CDK7: variants seen among roughly 807,000 people sequenced by gnomAD.
CDK7 encodes cyclin dependent kinase 7.
CDK7 carries 25 observed loss-of-function variants against 49.1 expected under a neutral mutation model. The observed-to-expected ratio is 0.51, with a 90% CI of 0.37 to 0.71. The LOEUF (loss-of-function observed/expected upper bound fraction) is 0.71. Among genes scored for constraint, CDK7 ranks in the 30% least tolerant of loss-of-function variants. The pLI is 0.00. For missense variants in CDK7, 316 were observed against 411.7 expected, an observed-to-expected ratio of 0.77 and a Z score of 2.01; for synonymous variants, 107 against 140.0, an observed-to-expected ratio of 0.76 and a Z score of 1.67.
At position 69,276,600 on chromosome 5, in the gene CDK7, C is replaced by A; in HGVS notation, c.922C>A (p.Pro308Thr). 2.5e-6 allele frequency: 4 copies of A among 1,613,864 alleles called. No individual in the cohort carries two copies. Among genetic ancestry groups the A allele is most frequent in the Non-Finnish European group, 3.4e-6 (4 of 1,179,964 alleles). Residue 308 changes from proline (P) to threonine (T), a missense_variant, in exon 11 of 12, where the codon CCA becomes ACA. Pro to Thr is a conservative substitution (Grantham distance 38). Coordinates refer to ENST00000256443, the MANE Select transcript of CDK7 (RefSeq NM_001799.4). ...RPGPTPGCQL[P>T]RPNCPVETLK... ...AGGGCCAACACCTGGATGTCAGCTG[C>A]CAAGACCAAACTGTCCAGTGGAAAC...
At chr5:69,262,730 C>T (rs1750916099) in intron 8 of CDK7, among the ~76,000 whole-genome samples, 1 of 150,412 alleles carries the variant, frequency 6.6e-6, no homozygotes, top group South Asian at 2.1e-4. Flanking sequence ...GTCTTTACAA[C>T]AAAAAGCCTA....
chr5:69,276,577 G>A lies in CDK7; in HGVS notation c.899G>A (p.Gly300Glu). The change falls in exon 11 of 12, where the codon GGG becomes GAG. Residue 300 changes from glycine to glutamate, a missense_variant. Gly to Glu is a moderately conservative substitution (Grantham distance 98, BLOSUM62 -2). Transcript: ENST00000256443. ...ATGAAGTATTTCAGTAATCGGCCAGGGCCAACACCTGGATGTCAGCTGCCA... is the reference window on the plus strand; with the variant it reads ...ATGAAGTATTTCAGTAATCGGCCAGAGCCAACACCTGGATGTCAGCTGCCA... ...LKMKYFSNRP[G>E]PTPGCQLPRP... 3 of 1,613,482 alleles carry A rather than the reference G, an allele frequency of 1.9e-6. No individual in the cohort carries two copies. The highest frequency in any genetic ancestry group is 2.5e-6 in the Non-Finnish European group (3 of 1,180,004).
At chr5:69,267,465 G>GT (rs1354136063) in intron 8 of CDK7, among the ~76,000 whole-genome samples, 2 of 151,568 alleles carry the variant, frequency 1.3e-5, no homozygotes, top group African/African-American at 4.8e-5. Flanking sequence ...CACCCGCCTA[G>GT]TTTTTGTATT....
chr5:69,248,500 G>T (rs1042488963), intron 2 of CDK7, among the ~76,000 whole-genome samples: 11 of 152,100 alleles, frequency 7.2e-5, no homozygotes, highest in African/African-American at 1.2e-4. Flanking sequence ...CGATTCTCCT[G>T]CCTCAGCCTT....
intron 3 of CDK7, among the ~76,000 whole-genome samples, chr5:69,253,588 T>G (rs1750289398): frequency 6.6e-6 from 1 of 152,134 alleles, no homozygotes; most frequent in Non-Finnish European, 1.5e-5. Context: ...TTGAAATCTG[T>G]CATTTGTATT....
intron 2 of CDK7, among the ~76,000 whole-genome samples, chr5:69,237,110 CAGG>C (rs1226640963): frequency 6.6e-6 from 1 of 151,876 alleles, no homozygotes; most frequent in East Asian, 1.9e-4. Flanking sequence ...GGTGGCGGGG[CAGG>C]AGGAGGTCTC....
In CDK7 at chr5:69,262,229, A is replaced by AT. The variant is rs766676464; in HGVS notation, c.555dup (p.Gly186TrpfsTer3). Reference sequence around the variant, plus strand: ...GGTGGTATCGGGCCCCCGAGTTACTATTTGGAGCTAGGATGTATGGTGTAG... The same window carrying AT: ...GGTGGTATCGGGCCCCCGAGTTACTATTTTGGAGCTAGGATGTATGGTGTAG... On this transcript the variant is annotated frameshift_variant, in exon 8 of 12. Coordinates refer to ENST00000256443, the MANE Select transcript of CDK7 (RefSeq NM_001799.4). LOFTEE classifies it high-confidence loss of function. 6.2e-6 allele frequency: 10 copies of AT among 1,613,984 alleles called. No homozygotes were observed. Among genetic ancestry groups the AT allele is most frequent in the Non-Finnish European group, 8.5e-6 (10 of 1,180,022 alleles).
intron 2 of CDK7, among the ~76,000 whole-genome samples, chr5:69,242,461 G>T (rs1017492955): frequency 1.3e-5 from 2 of 152,100 alleles, no homozygotes; most frequent in African/African-American, 4.8e-5. Flanking sequence ...AAAATGCAAG[G>T]TCTGAAAGAT....
At chr5:69,248,832 T>A (rs1749941286) in intron 2 of CDK7, among the ~76,000 whole-genome samples, 1 of 142,288 alleles carries the variant, frequency 7.0e-6, no homozygotes, top group African/African-American at 2.7e-5. Context: ...AGACGGAGTC[T>A]TGTTTTTCTT....
chr5:69,237,004 G>A (rs986466058), intron 2 of CDK7, among the ~76,000 whole-genome samples: 3 of 101,742 alleles, frequency 2.9e-5, no homozygotes, highest in South Asian at 6.5e-4. Flanking sequence ...TTTTATGTCC[G>A]TGTTTTCTGG....
intron 10 of CDK7, among the ~76,000 whole-genome samples, chr5:69,273,436 G>A (rs1751767936): frequency 6.6e-6 from 1 of 152,040 alleles, no homozygotes; most frequent in South Asian, 2.1e-4. Context: ...TAGTTTGTTC[G>A]GCTTATTTTT....
intron 8 of CDK7, among the ~76,000 whole-genome samples, chr5:69,262,676 AAAAAAAAG>A (rs1283195208): frequency 2.6e-5 from 4 of 151,804 alleles, no homozygotes; most frequent in African/African-American, 9.7e-5. Flanking sequence ...CTCAAAAAAA[AAAAAAAAG>A]AAAAAGAAAA....
intron 2 of CDK7, among the ~76,000 whole-genome samples, chr5:69,238,696 G>T (rs1404381816): frequency 1.4e-5 from 2 of 144,910 alleles, no homozygotes; most frequent in African/African-American, 5.2e-5. Flanking sequence ...CCACTCTGTC[G>T]CACAGGCTGG....
intron 8 of CDK7, among the ~76,000 whole-genome samples, chr5:69,268,834 C>A (rs1303316511): frequency 3.7e-4 from 45 of 120,660 alleles, no homozygotes; most frequent in Admixed American, 7.9e-4. Flanking sequence ...GAGACTGTCT[C>A]AAAAAAAAAA....
chr5:69,234,972 C>G lies in CDK7; in HGVS notation c.-4C>G, dbSNP rs1447983422. On this transcript the variant is annotated 5_prime_UTR_variant, in exon 1 of 12. Coordinates refer to ENST00000256443, the MANE Select transcript of CDK7 (RefSeq NM_001799.4). Reference sequence around the variant, plus strand: ...TCGGCTGGAGTCGGGCTTTACGGCGCCGGATGGCTCTGGACGTGAAGTCTC... The same window carrying G: ...TCGGCTGGAGTCGGGCTTTACGGCGGCGGATGGCTCTGGACGTGAAGTCTC... 6.3e-7 allele frequency: 1 copy of G among 1,592,782 alleles called. No individual in the cohort carries two copies.
intron 2 of CDK7, among the ~76,000 whole-genome samples, chr5:69,251,792 C>CA (rs1299407569): frequency 6.6e-6 from 1 of 152,168 alleles, no homozygotes; most frequent in Non-Finnish European, 1.5e-5. Flanking sequence ...CTTGGCCTGT[C>CA]AAAGTGTTGG....
At chr5:69,273,682 G>C (rs1751803529) in intron 10 of CDK7, among the ~76,000 whole-genome samples, 1 of 152,184 alleles carries the variant, frequency 6.6e-6, no homozygotes, top group Non-Finnish European at 1.5e-5. Flanking sequence ...ACAGTGCAGT[G>C]ATTTTACCTC....
chr5:69,235,602 T>G, intron 2 of CDK7, 149 bp downstream of exon 2: 4 of 659,650 alleles, frequency 6.1e-6, no homozygotes. Context: ...TAGTGCTTTG[T>G]GTTCCCAAAC....
chr5:69,251,322 ACTC>A lies in CDK7; in HGVS notation c.127-1093_127-1091del, dbSNP rs1173692113. 2.7e-5 allele frequency among the ~76,000 whole-genome samples: 4 copies of A among 150,370 alleles called. No individual in the cohort carries two copies. In the East Asian group the frequency reaches 7.9e-4, roughly 30 times the overall value. On this transcript the variant is annotated intron_variant, in intron 2 of 11. Transcript: ENST00000256443. ...ACCATATTGTCCAGGCTGGTCTTGA[ACTC>A]CTGACCTCGTGATCCACCTGCCTCG...
Sources: gnomAD v4.1 joint callset for allele counts (sites outside exome capture counted in the v4.1 genomes callset) on GRCh38, gnomAD v4.1.1 for gene constraint, MANE v1.5 for transcripts, NCBI Gene and HGNC (gene_info 2026-07-23, HGNC 2026-07-21) for gene names.